The following MOB1B variants were observed in gnomAD, a reference collection of about 807,000 sequenced individuals.
MOB1B encodes MOB kinase activator 1B, also known as MOB1 Mps One Binder homolog B.
In MOB1B, 19 loss-of-function variants were observed where a neutral mutation model predicts 24.4. The ratio of observed to expected loss-of-function variants is 0.78; its 90% CI spans 0.54 to 1.14. MOB1B has a LOEUF of 1.14. Ranked by LOEUF, MOB1B falls within the 50% of genes most tolerant of loss-of-function variation. The probability of loss-of-function intolerance (pLI) is 0.00; values close to 1 mark genes in which losing one functional copy is unlikely to be tolerated. For missense variants in MOB1B, 243 were observed against 259.6 expected, an observed-to-expected ratio of 0.94 and a Z score of 0.44; for synonymous variants, 76 against 82.1, an observed-to-expected ratio of 0.93 and a Z score of 0.40.
intron 1 of MOB1B, among the ~76,000 whole-genome samples, chr4:70,905,619 TTCC>T (rs1719347291): frequency 1.3e-5 from 2 of 152,108 alleles, no homozygotes; most frequent in African/African-American, 4.8e-5. Flanking sequence ...TACAAATATT[TTCC>T]TCCCGTTCTT....
intron 1 of MOB1B, among the ~76,000 whole-genome samples, chr4:70,919,828 A>C (rs1018477763): frequency 6.6e-6 from 1 of 152,188 alleles, no homozygotes; most frequent in Non-Finnish European, 1.5e-5. Context: ...TCTTAATTGC[A>C]TGTTATAATG....
chr4:70,929,786 C>CA (rs549472014), intron 1 of MOB1B, among the ~76,000 whole-genome samples: 245 of 152,130 alleles, frequency 1.6e-3, no homozygotes, highest in African/African-American at 5.6e-3. Context: ...GCTGGGACTA[C>CA]AGGCACCCGC....
intron 1 of MOB1B, among the ~76,000 whole-genome samples, chr4:70,945,814 G>A (rs1248351850): frequency 6.6e-6 from 1 of 152,164 alleles, no homozygotes; most frequent in Non-Finnish European, 1.5e-5. Context: ...GAAGCTTCCT[G>A]AGGAAAATTA....
At chr4:70,964,774 AC>A (rs1738444525) in intron 2 of MOB1B, among the ~76,000 whole-genome samples, 1 of 151,962 alleles carries the variant, frequency 6.6e-6, no homozygotes, top group Non-Finnish European at 1.5e-5. Flanking sequence ...TACTAAAAAT[AC>A]AAAAATTAGC....
chr4:70,919,116 C>G (rs1480495125), intron 1 of MOB1B, among the ~76,000 whole-genome samples: 1 of 151,000 alleles, frequency 6.6e-6, no homozygotes, highest in Non-Finnish European at 1.5e-5. Context: ...AATGAGAACA[C>G]ATGGACACAG....
Position 70,953,355 on chromosome 4 carries a change from A to G in MOB1B, c.15-5519A>G, listed in dbSNP as rs1459027292. ...AGCAGCTGAAGGAGAAAACCTAACA[A>G]AGATTTTAAAAAGAGTATTTTTTAA... On this transcript the variant is annotated intron_variant, in intron 1 of 5. Coordinates refer to ENST00000309395, the MANE Select transcript of MOB1B (RefSeq NM_173468.4). 4.6e-5 allele frequency among the ~76,000 whole-genome samples: 7 copies of G among 152,310 alleles called. No individual in the cohort carries two copies. The East Asian group carries it at 1.4e-3, about 29-fold the overall frequency.
chr4:70,976,674 G>A (rs937159403), intron 4 of MOB1B: 1 of 965,398 alleles, frequency 1.0e-6, no homozygotes, highest in African/African-American at 1.8e-5. Flanking sequence ...TTGTTATGGA[G>A]TACTTTAAAC....
At chr4:70,902,162 G>C (rs1453881637), upstream of MOB1B, among the ~76,000 whole-genome samples, 1 of 152,190 alleles carries the variant, frequency 6.6e-6, no homozygotes, top group Non-Finnish European at 1.5e-5. Flanking sequence ...GTCGTCCCTA[G>C]CAGCAGAGGA....
At chr4:70,967,123 T>A (rs1046380955) in intron 2 of MOB1B, among the ~76,000 whole-genome samples, 1 of 151,976 alleles carries the variant, frequency 6.6e-6, no homozygotes, top group Non-Finnish European at 1.5e-5. Flanking sequence ...ACCACCAATA[T>A]GTTACTGGAG....
intron 1 of MOB1B, among the ~76,000 whole-genome samples, chr4:70,957,501 A>G (rs1182706610): frequency 6.7e-6 from 1 of 150,126 alleles, no homozygotes. Flanking sequence ...TGGCATGATC[A>G]TTGCTCACTG....
At chr4:70,940,988 A>G (rs927518732) in intron 1 of MOB1B, among the ~76,000 whole-genome samples, 1 of 152,076 alleles carries the variant, frequency 6.6e-6, no homozygotes, top group Non-Finnish European at 1.5e-5. Flanking sequence ...TTAAATATTA[A>G]TTGGTCTTTT....
At chr4:70,959,148 A>ACTCTTTTATGATAT in intron 2 of MOB1B, 108 bp downstream of exon 2, 1 of 805,958 alleles carries the variant, frequency 1.2e-6, no homozygotes, top group South Asian at 1.9e-5. Flanking sequence ...AGCTAATATC[A>ACTCTTTTATGATAT]TAAAAGAGTG....
At chr4:70,958,245 A>G (rs911778250) in intron 1 of MOB1B, among the ~76,000 whole-genome samples, 1 of 150,784 alleles carries the variant, frequency 6.6e-6, no homozygotes, top group Non-Finnish European at 1.5e-5. Context: ...GGTCACCACA[A>G]CCTCTGCCTC....
intron 1 of MOB1B, among the ~76,000 whole-genome samples, chr4:70,920,998 C>T (rs756724610): frequency 7.9e-5 from 12 of 152,188 alleles, no homozygotes; most frequent in East Asian, 3.9e-4. Flanking sequence ...TAACCATTCG[C>T]GGAACCAAGT....
intron 1 of MOB1B, among the ~76,000 whole-genome samples, chr4:70,929,735 T>G (rs1267972066): frequency 6.6e-6 from 1 of 151,300 alleles, no homozygotes; most frequent in South Asian, 2.1e-4. Context: ...AAGCTCCGCC[T>G]CCTGGGTTTA....
chr4:70,907,263 C>T (rs1330970855), intron 1 of MOB1B, among the ~76,000 whole-genome samples: 19 of 152,106 alleles, frequency 1.2e-4, no homozygotes, highest in Admixed American at 1.2e-3. Context: ...ACTCAGGTCT[C>T]CTGACGTAGG....
intron 1 of MOB1B, among the ~76,000 whole-genome samples, chr4:70,926,048 T>C (rs1736635418): frequency 6.6e-6 from 1 of 152,174 alleles, no homozygotes; most frequent in Non-Finnish European, 1.5e-5. Flanking sequence ...AATGCAGTGG[T>C]ATCTTCTCAG....
intron 2 of MOB1B, among the ~76,000 whole-genome samples, chr4:70,963,695 C>G (rs1407287692): frequency 6.6e-6 from 1 of 151,672 alleles, no homozygotes; most frequent in African/African-American, 2.4e-5. Context: ...TGACACACAC[C>G]TGTGGTCCCA....
chr4:70,975,045 T>C, intron 3 of MOB1B, 108 bp from the exon 4 acceptor site: 1 of 764,102 alleles, frequency 1.3e-6, no homozygotes, highest in East Asian at 3.3e-5. Context: ...AGGAGCAGAG[T>C]GTTGAAAACA....
Sources: gnomAD v4.1 joint callset for allele counts (sites outside exome capture counted in the v4.1 genomes callset) on GRCh38, gnomAD v4.1.1 for gene constraint, MANE v1.5 for transcripts, NCBI Gene and HGNC (gene_info 2026-07-23, HGNC 2026-07-21) for gene names.